Variants in ACYP2 observed in about 807,000 individuals in gnomAD.
The protein encoded by ACYP2 is acylphosphatase-2.
In ACYP2, 12 loss-of-function variants were observed where a neutral mutation model predicts 11.2. That is an observed-to-expected ratio of 1.08 (90% CI 0.69 to 1.74). The LOEUF is 1.74. Among genes scored for constraint, ACYP2 ranks in the 40% most tolerant of loss-of-function variants. ACYP2 has a pLI of 0.00. For synonymous variants in ACYP2, 43 were observed against 32.2 expected (o/e 1.33, Z -1.13); for missense variants, 134 against 101.9 (o/e 1.31, Z -1.35).
intron 6 of ACYP2, among the ~76,000 whole-genome samples, chr2:54,177,845 G>T (rs907567769): frequency 6.6e-6 from 1 of 151,080 alleles, no homozygotes; most frequent in African/African-American, 2.4e-5. Flanking sequence ...CTCCCAGAGT[G>T]CTGGGATTAC....
At chr2:54,082,866 G>T (rs1677740637) in intron 4 of ACYP2, 1 of 152,170 alleles carries the variant, frequency 6.6e-6, no homozygotes, top group African/African-American at 2.4e-5. Context: ...CCTGAGGTCA[G>T]GAGTTCGAGA....
chr2:54,210,840 G>A (rs698751), intron 6 of ACYP2, among the ~76,000 whole-genome samples: 88,816 of 151,910 alleles, frequency 0.58, 26,443 homozygotes, highest in African/African-American at 0.7. Flanking sequence ...AAGTTAGCCT[G>A]ATTGACATCT....
intron 6 of ACYP2, among the ~76,000 whole-genome samples, chr2:54,196,096 C>G (rs943138247): frequency 2.0e-5 from 3 of 152,048 alleles, no homozygotes; most frequent in African/African-American, 7.2e-5. Context: ...CCATGCCCGG[C>G]CCACATTGTC....
intron 6 of ACYP2, among the ~76,000 whole-genome samples, chr2:54,183,253 C>T (rs187643502): frequency 5.1e-4 from 78 of 152,240 alleles, no homozygotes; most frequent in Non-Finnish European, 8.5e-4. Context: ...TTATACATGT[C>T]TGGGTGTTCT....
intron 6 of ACYP2, among the ~76,000 whole-genome samples, chr2:54,171,804 T>G (rs1336478199): frequency 6.6e-6 from 1 of 152,150 alleles, no homozygotes; most frequent in East Asian, 1.9e-4. Flanking sequence ...AAAAACGGCT[T>G]TTTAGTTCTT....
intron 4 of ACYP2, among the ~76,000 whole-genome samples, chr2:54,074,731 G>A (rs901606515): frequency 1.3e-5 from 2 of 152,062 alleles, no homozygotes; most frequent in Non-Finnish European, 2.9e-5. Flanking sequence ...AGATTGACAA[G>A]TCCAAAATCT....
chr2:54,304,139 G>T (rs1689827914), intron 6 of ACYP2, among the ~76,000 whole-genome samples: 1 of 151,848 alleles, frequency 6.6e-6, no homozygotes. Context: ...AAGTAGATGA[G>T]CATTTTTTCT....
At chr2:54,012,331 C>T (rs1673420149) in intron 2 of ACYP2, among the ~76,000 whole-genome samples, 1 of 151,636 alleles carries the variant, frequency 6.6e-6, no homozygotes. Flanking sequence ...CATAGCAAGA[C>T]CTCGCTCCTA....
chr2:54,152,497 A>G (rs1350619406), intron 6 of ACYP2, among the ~76,000 whole-genome samples: 4 of 152,116 alleles, frequency 2.6e-5, no homozygotes, highest in Non-Finnish European at 1.5e-5. Context: ...CCATTATAGT[A>G]TCACAGAGAA....
intron 1 of ACYP2, among the ~76,000 whole-genome samples, chr2:53,971,505 A>T (rs187291322): frequency 6.6e-6 from 1 of 152,318 alleles, no homozygotes; most frequent in Non-Finnish European, 1.5e-5. Context: ...CATCATTCCA[A>T]AGAAGAAAAT....
At chr2:54,248,536 A>G (rs1687066868) in intron 6 of ACYP2, among the ~76,000 whole-genome samples, 1 of 152,118 alleles carries the variant, frequency 6.6e-6, no homozygotes, top group Non-Finnish European at 1.5e-5. Context: ...CTTAGAAGCC[A>G]CTTCTTATAG....
At chr2:54,131,592 A>T (rs375655576) in intron 4 of ACYP2, among the ~76,000 whole-genome samples, 4 of 152,148 alleles carry the variant, frequency 2.6e-5, no homozygotes, top group African/African-American at 9.7e-5. Context: ...TTTTCCATGT[A>T]ATTCGTCTGA....
chr2:54,159,700 G>A (rs1682619956), intron 6 of ACYP2, among the ~76,000 whole-genome samples: 1 of 152,092 alleles, frequency 6.6e-6, no homozygotes, highest in Admixed American at 6.6e-5. Flanking sequence ...AAGCACAGGG[G>A]TAGAGTTTGG....
intron 4 of ACYP2, among the ~76,000 whole-genome samples, chr2:54,122,316 A>G (rs1268113813): frequency 6.6e-6 from 1 of 152,242 alleles, no homozygotes; most frequent in Non-Finnish European, 1.5e-5. Context: ...CATTCCTCTC[A>G]GGGTTTCTCA....
intron 6 of ACYP2, among the ~76,000 whole-genome samples, chr2:54,195,175 G>A (rs17045588): frequency 0.23 from 35,238 of 151,928 alleles, 4,242 homozygotes; most frequent in East Asian, 0.38. Context: ...AGCTCCTTTG[G>A]GAATGTGGTC....
chr2:54,138,574 C>G, intron 5 of ACYP2, 65 bp from the exon 3 acceptor site: 1 of 1,278,876 alleles, frequency 7.8e-7, no homozygotes, highest in South Asian at 1.4e-5. Flanking sequence ...ATATTAGAAT[C>G]AAGTATGTTA....
chr2:54,157,569 A>T (rs904348428), intron 6 of ACYP2, among the ~76,000 whole-genome samples: 1 of 152,212 alleles, frequency 6.6e-6, no homozygotes, highest in African/African-American at 2.4e-5. Flanking sequence ...ACAATTATAT[A>T]TTTGATACCT....
intron 2 of ACYP2, among the ~76,000 whole-genome samples, chr2:54,026,263 A>T (rs1001967991): frequency 4.6e-5 from 7 of 152,226 alleles, no homozygotes. Flanking sequence ...GGCTAAGGAC[A>T]TGAATAGACA....
chr2:54,145,613 CT>C (rs1047796703), intron 6 of ACYP2, among the ~76,000 whole-genome samples: 9 of 151,404 alleles, frequency 5.9e-5, no homozygotes, highest in East Asian at 1.9e-4. Context: ...ATTCCTCCAA[CT>C]TTTTTTTTGT....
Sources: gnomAD v4.1 joint callset for allele counts (sites outside exome capture counted in the v4.1 genomes callset) on GRCh38, gnomAD v4.1.1 for gene constraint, MANE v1.5 for transcripts, NCBI Gene and HGNC (gene_info 2026-07-23, HGNC 2026-07-21) for gene names.